ARHGAP35: variants seen among roughly 807,000 people sequenced by gnomAD.
ARHGAP35 encodes rho GTPase-activating protein 35.
ARHGAP35 carries 15 observed loss-of-function variants against 111.1 expected under a neutral mutation model. The ratio of observed to expected loss-of-function variants is 0.13; its 90% confidence interval spans 0.09 to 0.21. ARHGAP35 has a LOEUF of 0.21. Among genes scored for constraint, ARHGAP35 ranks in the 10% least tolerant of loss-of-function variants. The pLI is 1.00. For missense variants in ARHGAP35, 1,262 were observed against 1,873.0 expected (o/e 0.67, Z 6.02); for synonymous variants, 643 against 710.3 (o/e 0.91, Z 1.51).
intron 1 of ARHGAP35, among the ~76,000 whole-genome samples, chr19:46,892,123 TAAAAA>T (rs1178888092): frequency 3.7e-5 from 2 of 53,892 alleles, no homozygotes; most frequent in African/African-American, 7.4e-5. Flanking sequence ...CTGTCTCTAC[TAAAAA>T]AAAAAAAAAA....
intron 1 of ARHGAP35, among the ~76,000 whole-genome samples, chr19:46,870,452 G>T (rs981542058): frequency 6.6e-6 from 1 of 151,752 alleles, no homozygotes; most frequent in African/African-American, 2.4e-5. Context: ...GGTGGCGGGC[G>T]CCTGTAGTCC....
chr19:46,874,053 T>G (rs1160936602), intron 1 of ARHGAP35, among the ~76,000 whole-genome samples: 1 of 152,214 alleles, frequency 6.6e-6, no homozygotes, highest in Non-Finnish European at 1.5e-5. Flanking sequence ...GGCTAAGCTA[T>G]TAATTAAATT....
At chr19:46,949,156 C>CA (rs535910770) in intron 3 of ARHGAP35, 1,075 of 91,116 alleles carry the variant, frequency 0.012, 11 homozygotes, top group Admixed American at 0.051. Flanking sequence ...GACTGCGTCT[C>CA]AAAAAAAAAA....
At chr19:46,980,880 C>G (rs2056617130) in intron 3 of ARHGAP35, among the ~76,000 whole-genome samples, 1 of 152,206 alleles carries the variant, frequency 6.6e-6, no homozygotes, top group African/African-American at 2.4e-5. Flanking sequence ...GTGCTAAGAT[C>G]TCATTAAATA....
intron 3 of ARHGAP35, among the ~76,000 whole-genome samples, chr19:46,982,379 A>C (rs141046507): frequency 5.3e-4 from 80 of 152,036 alleles, no homozygotes; most frequent in African/African-American, 1.9e-3. Flanking sequence ...CGGGAGGCTG[A>C]GCCATGAGAA....
intron 2 of ARHGAP35, among the ~76,000 whole-genome samples, chr19:46,933,846 T>C (rs1169512219): frequency 6.6e-6 from 1 of 152,186 alleles, no homozygotes; most frequent in Non-Finnish European, 1.5e-5. Context: ...TAGGTTCTGG[T>C]ACACAGAAAC....
chr19:46,904,202 T>C (rs2056094711), intron 1 of ARHGAP35, among the ~76,000 whole-genome samples: 1 of 152,208 alleles, frequency 6.6e-6, no homozygotes, highest in Admixed American at 6.5e-5. Context: ...TTTCTGGGAC[T>C]GCCTTCCCCT....
intron 1 of ARHGAP35, among the ~76,000 whole-genome samples, chr19:46,898,253 A>C (rs2056067502): frequency 6.6e-6 from 1 of 152,012 alleles, no homozygotes; most frequent in South Asian, 2.1e-4. Context: ...AAAAAAAAAA[A>C]AACAAAAAGA....
chr19:46,979,969 G>A (rs936159904), intron 3 of ARHGAP35, among the ~76,000 whole-genome samples: 3 of 152,132 alleles, frequency 2.0e-5, no homozygotes, highest in African/African-American at 4.8e-5. Context: ...GGGGAGCTGC[G>A]GGGACTCGTG....
At chr19:46,873,003 G>T (rs1382423482) in intron 1 of ARHGAP35, among the ~76,000 whole-genome samples, 1 of 152,096 alleles carries the variant, frequency 6.6e-6, no homozygotes, top group Non-Finnish European at 1.5e-5. Context: ...TCTGGGGTAG[G>T]TGGTATTCTT....
chr19:46,937,477 C>T (rs2056316348), intron 3 of ARHGAP35, 69 bp downstream of exon 3: 1 of 1,536,698 alleles, frequency 6.5e-7, no homozygotes. Context: ...AGGGTCAAGC[C>T]ATCTGGAGAT....
intron 1 of ARHGAP35, among the ~76,000 whole-genome samples, chr19:46,864,526 A>C: frequency 6.6e-6 from 1 of 152,338 alleles, no homozygotes; most frequent in East Asian, 1.9e-4. Flanking sequence ...GTACTTATTT[A>C]GAAATAATTC....
chr19:46,880,858 A>G (rs1366681041), intron 1 of ARHGAP35, among the ~76,000 whole-genome samples: 1 of 150,020 alleles, frequency 6.7e-6, no homozygotes, highest in Non-Finnish European at 1.5e-5. Flanking sequence ...GTTTTTTTTT[A>G]AGAGATGGAG....
Position 46,961,056 on chromosome 19 carries a change from A to G in ARHGAP35, c.3826+23648A>G, listed in dbSNP as rs572960489. On this transcript the variant is annotated intron_variant, in intron 3 of 6. Transcript: ENST00000672722. The stretch of plus-strand genomic sequence containing the variant: ...ATTACCGGCGCCTGCCACCACGCCC[A>G]GCTAATTTTTGTATTTTTAGTAGAG... Among the ~76,000 whole-genome samples, 175 of 151,818 alleles carry G rather than the reference A, an allele frequency of 1.2e-3. 1 individual carries two copies. Among genetic ancestry groups the G allele is most frequent in the Admixed American group, 1.7e-3 (26 of 15,242 alleles).
chr19:46,904,937 C>T (rs774558854), intron 1 of ARHGAP35, among the ~76,000 whole-genome samples: 15 of 152,108 alleles, frequency 9.9e-5, no homozygotes, highest in Non-Finnish European at 1.5e-4. Flanking sequence ...CAGGGCAGTG[C>T]GGGGGAGTGG....
At position 46,961,017 on chromosome 19, in the gene ARHGAP35, C is replaced by A. The variant is rs952651394; in HGVS notation, c.3826+23609C>A. Among the ~76,000 whole-genome samples, 25 of 152,036 alleles carry A rather than the reference C, an allele frequency of 1.6e-4. 1 individual carries two copies. The highest frequency in any genetic ancestry group is 1.5e-5 in the Non-Finnish European group (1 of 68,000). On this transcript the variant is annotated intron_variant, in intron 3 of 6. Coordinates refer to ENST00000672722, the MANE Select transcript of ARHGAP35 (RefSeq NM_004491.5). Reference sequence around the variant, plus strand: ...TCAAGCGATTCTCCTGCCCCAGCCTCCTGAGTAGCTGGGATTACCGGCGCC... The same window carrying A: ...TCAAGCGATTCTCCTGCCCCAGCCTACTGAGTAGCTGGGATTACCGGCGCC...
chr19:46,946,963 T>C (rs1568475964), intron 3 of ARHGAP35: 1 of 152,194 alleles, frequency 6.6e-6, no homozygotes, highest in East Asian at 1.9e-4. Context: ...TAGGAGACTG[T>C]AATGTAAATG....
chr19:46,958,596 G>T (rs1568479655), intron 3 of ARHGAP35, among the ~76,000 whole-genome samples: 1 of 152,158 alleles, frequency 6.6e-6, no homozygotes, highest in African/African-American at 2.4e-5. Flanking sequence ...TCGGAGAGCT[G>T]CTCCAGGCAG....
At chr19:46,981,392 T>C (rs2056619534) in intron 3 of ARHGAP35, among the ~76,000 whole-genome samples, 1 of 152,174 alleles carries the variant, frequency 6.6e-6, no homozygotes, top group Non-Finnish European at 1.5e-5. Context: ...TATATCTAAA[T>C]ATAGAAAGTA....
Sources: gnomAD v4.1 joint callset for allele counts (sites outside exome capture counted in the v4.1 genomes callset) on GRCh38, gnomAD v4.1.1 for gene constraint, MANE v1.5 for transcripts, NCBI Gene and HGNC (gene_info 2026-07-23, HGNC 2026-07-21) for gene names.